The following ZSCAN23 variants were observed in gnomAD, a reference collection of about 807,000 sequenced individuals.
ZSCAN23 encodes zinc finger and SCAN domain containing 23, also known as zinc finger and SCAN domain-containing protein 23.
Under a neutral mutation model 19.3 loss-of-function variants are expected in ZSCAN23, and 19 were observed. That is an observed-to-expected ratio of 0.99 (90% CI 0.69 to 1.45). ZSCAN23 has a LOEUF of 1.45. ZSCAN23 is among the 40% of genes most tolerant of loss of function. The pLI, the probability that ZSCAN23 is intolerant of heterozygous loss-of-function variation, is 0.00. For synonymous variants in ZSCAN23, 140 were observed against 166.2 expected (o/e 0.84, Z 1.21); for missense variants, 372 against 462.5 (o/e 0.80, Z 1.79).
chr6:28,423,410 G>C, the ZSCAN23 span, among the ~76,000 whole-genome samples: 2 of 152,080 alleles, frequency 1.3e-5, no homozygotes, highest in African/African-American at 4.8e-5. Flanking sequence ...AGATCATTCA[G>C]CTTCCTCTCC....
chr6:28,439,039 AG>A (rs1761948830), intron 1 of ZSCAN23, among the ~76,000 whole-genome samples: 1 of 151,958 alleles, frequency 6.6e-6, no homozygotes, highest in Admixed American at 6.6e-5. Flanking sequence ...TCACTACCCC[AG>A]GAAATGTACA....
At chr6:28,430,026 A>C (rs1219232893), downstream of ZSCAN23, among the ~76,000 whole-genome samples, 1 of 126,564 alleles carries the variant, frequency 7.9e-6, no homozygotes, top group Non-Finnish European at 1.7e-5. Context: ...GTGAGCGCAG[A>C]AGCCGCCTCA....
At chr6:28,421,462 A>G in the ZSCAN23 span, among the ~76,000 whole-genome samples, 1 of 152,150 alleles carries the variant, frequency 6.6e-6, no homozygotes, top group Non-Finnish European at 1.5e-5. Flanking sequence ...GAATGTCACC[A>G]TTTTGGGACC....
rs1458329410 is a variant in ZSCAN23, at chr6:28,432,924, T to C, written c.*1541A>G. ...AAACACTGAAAGATACATAAGAAAC[T>C]AGTACAATGGCTACTTATAAAGGGA... is the stretch of plus-strand genomic sequence containing the variant. On this transcript the variant is annotated 3_prime_UTR_variant, in exon 4 of 4. Coordinates refer to ENST00000289788, the MANE Select transcript of ZSCAN23 (RefSeq NM_001012455.2). 4 of 152,274 alleles carry C rather than the reference T, an allele frequency of 2.6e-5. No homozygotes were observed. Among genetic ancestry groups the C allele is most frequent in the East Asian group, 3.8e-4 (2 of 5,196 alleles). The allele number at this position is 152,274 out of a possible 1,614,324, so 9.4% of individuals were successfully genotyped here. A position where few individuals can be genotyped will look rare whatever the true frequency, so the allele number is the denominator to read the frequency against.
chr6:28,430,954 G>A (rs1303103924), downstream of ZSCAN23, among the ~76,000 whole-genome samples: 1 of 152,116 alleles, frequency 6.6e-6, no homozygotes, highest in Non-Finnish European at 1.5e-5. Context: ...GTATAAGGTT[G>A]AACACTGTAC....
chr6:28,439,136 C>T (rs868864986), intron 1 of ZSCAN23, among the ~76,000 whole-genome samples: 3 of 151,354 alleles, frequency 2.0e-5, no homozygotes, highest in African/African-American at 7.3e-5. Flanking sequence ...CTCACCCTGT[C>T]GCCCAGGCTG....
chr6:28,438,370 T>TAC (rs752948074), intron 1 of ZSCAN23, among the ~76,000 whole-genome samples: 1 of 152,220 alleles, frequency 6.6e-6, no homozygotes, highest in Non-Finnish European at 1.5e-5. Flanking sequence ...GTGCTGGGAT[T>TAC]ACAGGCATTA....
rs1431855474 is a variant in ZSCAN23 at position 28,436,261 on chromosome 6, G to C, written c.6C>G (p.Ala2=). 1.3e-6 allele frequency: 2 copies of C among 1,536,786 alleles called. No homozygotes were observed. The highest frequency in any genetic ancestry group is 4.9e-5 in the East Asian group (2 of 40,712). Residue 2 remains alanine (A), a synonymous_variant, in exon 2 of 4, where the codon GCC becomes GCG. Coordinates refer to ENST00000289788, the MANE Select transcript of ZSCAN23 (RefSeq NM_001012455.2). ...CTGCAGTCTGAAGGGTCAAGGTTAT[G>C]GCCATCAAAGGTTTAACTATTCAGA... M[A]ITLTLQTAEM... is the part of the protein sequence containing the mutation.
rs1187250789 is a variant in ZSCAN23, at chr6:28,433,941, A to G, written c.*524T>C. 6.6e-6 allele frequency: 1 copy of G among 152,228 alleles called. No individual in the cohort carries two copies. Among genetic ancestry groups the G allele is most frequent in the East Asian group, 1.9e-4 (1 of 5,200 alleles). 9.4% of individuals were successfully genotyped at this position (152,228 alleles called of 1,614,324 possible). A position where few individuals can be genotyped will look rare whatever the true frequency, so the allele number is the denominator to read the frequency against. On this transcript the variant is annotated 3_prime_UTR_variant, in exon 4 of 4. Transcript: ENST00000289788. ...TTCCTAAAGGCTAACTAAAAAATCT[A>G]TAGAAATCTAACTTACTATAAATCT... is the stretch of plus-strand genomic sequence containing the variant.
At chr6:28,438,816 G>A (rs987535322) in intron 1 of ZSCAN23, among the ~76,000 whole-genome samples, 13 of 152,100 alleles carry the variant, frequency 8.5e-5, no homozygotes, top group African/African-American at 3.1e-4. Flanking sequence ...GATTTGGATG[G>A]GGACACAGCC....
rs1410160229 is a variant in ZSCAN23 at position 28,432,747 on chromosome 6, TGAA to T, written c.*1715_*1717del. 1 of 152,148 alleles carries T rather than the reference TGAA, an allele frequency of 6.6e-6. No individual in the cohort carries two copies. Among genetic ancestry groups the T allele is most frequent in the East Asian group, 1.9e-4 (1 of 5,200 alleles). The allele number at this position is 152,148 out of a possible 1,614,324, so 9.4% of individuals were successfully genotyped here. A position where few individuals can be genotyped will look rare whatever the true frequency, so the allele number is the denominator to read the frequency against. The stretch of plus-strand genomic sequence containing the variant: ...AAATTCTATTCACTTATAAAAAGAA[TGAA>T]GAAGTTCTGTTATGATGTGGACATC... On this transcript the variant is annotated 3_prime_UTR_variant, in exon 4 of 4. Transcript: ENST00000289788.
At chr6:28,425,731 C>T in the ZSCAN23 span, among the ~76,000 whole-genome samples, 1 of 152,220 alleles carries the variant, frequency 6.6e-6, no homozygotes, top group Non-Finnish European at 1.5e-5. Flanking sequence ...CCTTTGAAGC[C>T]AGGCACTGAC....
In ZSCAN23 at chr6:28,434,689, G is replaced by C; in HGVS notation, c.946C>G (p.Gln316Glu). 4 of 1,582,378 alleles carry C rather than the reference G, an allele frequency of 2.5e-6. No individual in the cohort carries two copies. Among genetic ancestry groups the C allele is most frequent in the Non-Finnish European group, 3.4e-6 (4 of 1,164,008 alleles). ...QCSVCGKAFS[Q>E]NAGLFHHLRI... The stretch of plus-strand genomic sequence containing the variant: ...AGGTGATGGAAAAGCCCGGCATTCT[G>C]GCTGAAGGCTTTGCCACAAACACTG... The change falls in exon 4 of 4, where the codon CAG (glutamine) becomes GAG (glutamate). Residue 316 changes from glutamine to glutamate, a missense_variant. Gln to Glu is a conservative substitution (Grantham distance 29, BLOSUM62 2). Coordinates refer to ENST00000289788, the MANE Select transcript of ZSCAN23 (RefSeq NM_001012455.2).
At chr6:28,430,537 TAAA>T (rs1358330644), downstream of ZSCAN23, among the ~76,000 whole-genome samples, 2 of 152,174 alleles carry the variant, frequency 1.3e-5, no homozygotes, top group African/African-American at 2.4e-5. Context: ...TAAACCTGTT[TAAA>T]TAAATCAGGT....
rs376584412 is a variant in ZSCAN23 at position 28,436,033 on chromosome 6, T to C, written c.234A>G (p.Arg78=). The C allele has an allele frequency of 7.4e-5, 119 of 1,614,080 alleles. No individual in the cohort carries two copies. Among genetic ancestry groups the C allele is most frequent in the Non-Finnish European group, 9.5e-5 (112 of 1,180,036 alleles). ...TCTGCTCCTTGGTGTGCATCTCTGG[T>C]CTCAGCCACTGATGGCAGAGCTCCT... ...RLQELCHQWL[R]PEMHTKEQIL... Residue 78 remains arginine, a synonymous_variant, in exon 2 of 4, where the codon AGA becomes AGG. Transcript: ENST00000289788.
At chr6:28,427,765 T>C (rs1761686672), downstream of ZSCAN23, among the ~76,000 whole-genome samples, 1 of 152,156 alleles carries the variant, frequency 6.6e-6, no homozygotes, top group African/African-American at 2.4e-5. Context: ...ACTTCGTAGC[T>C]CTTATTCTGC....
the ZSCAN23 span, among the ~76,000 whole-genome samples, chr6:28,424,457 C>T: frequency 4.3e-3 from 658 of 152,166 alleles, 5 homozygotes; most frequent in African/African-American, 0.015. Flanking sequence ...GTTGATTCTT[C>T]CTTTCATGAA....
chr6:28,438,286 A>G (rs1243571660), intron 1 of ZSCAN23, among the ~76,000 whole-genome samples: 2 of 152,004 alleles, frequency 1.3e-5, no homozygotes, highest in African/African-American at 2.4e-5. Context: ...TAGTAGAGAC[A>G]GGGTTGTACC....
chr6:28,426,262 T>C, the ZSCAN23 span, among the ~76,000 whole-genome samples: 1 of 152,218 alleles, frequency 6.6e-6, no homozygotes, highest in Non-Finnish European at 1.5e-5. Flanking sequence ...TCAACATGTC[T>C]TCCTCACTAA....
Sources: gnomAD v4.1 joint callset for allele counts (sites outside exome capture counted in the v4.1 genomes callset) on GRCh38, gnomAD v4.1.1 for gene constraint, MANE v1.5 for transcripts, NCBI Gene and HGNC (gene_info 2026-07-23, HGNC 2026-07-21) for gene names.